The following KIRREL3 variants were observed in gnomAD, a reference collection of about 807,000 sequenced individuals.
KIRREL3 encodes kirre like nephrin family adhesion molecule 3.
KIRREL3 carries 36 observed loss-of-function variants against 89.7 expected under a neutral mutation model. The observed-to-expected ratio is 0.40, with a 90% confidence interval of 0.31 to 0.53. The LOEUF (loss-of-function observed/expected upper bound fraction) is 0.53, where lower values mean the gene tolerates loss of function less well. KIRREL3 is among the 20% of genes least tolerant of loss of function. The probability of loss-of-function intolerance (pLI) is 0.49; values close to 1 mark genes in which losing one functional copy is unlikely to be tolerated. For synonymous variants in KIRREL3, 445 were observed against 441.4 expected, an observed-to-expected ratio of 1.01 and a Z score of -0.10; for missense variants, 864 against 1,056.6, an observed-to-expected ratio of 0.82 and a Z score of 2.53.
chr11:126,874,529 C>T (rs978647101), intron 1 of KIRREL3, among the ~76,000 whole-genome samples: 1 of 152,238 alleles, frequency 6.6e-6, no homozygotes. Flanking sequence ...CATTATCTCA[C>T]TCATTTGCAT....
Position 126,521,493 on chromosome 11 carries a change from C to T in KIRREL3, c.284-29G>A. 6.4e-7 allele frequency: 1 copy of T among 1,564,002 alleles called. No individual in the cohort carries two copies. ...TGGAGACAACAGGCAGGTCAGGGAGCTGGGGTGGGGTGGAGGGGACACCCA... is the reference window on the plus strand; with the variant it reads ...TGGAGACAACAGGCAGGTCAGGGAGTTGGGGTGGGGTGGAGGGGACACCCA... On this transcript the variant is annotated intron_variant, in intron 3 of 16. Coordinates refer to ENST00000525144, the MANE Select transcript of KIRREL3 (RefSeq NM_032531.4). The surrounding 1 kb of genome is among the most constrained non-coding windows in gnomAD (Gnocchi z 4.1).
chr11:126,654,850 A>G (rs765641402), intron 1 of KIRREL3, among the ~76,000 whole-genome samples: 1 of 151,856 alleles, frequency 6.6e-6, no homozygotes, highest in Non-Finnish European at 1.5e-5. Flanking sequence ...TTGCTTCTTT[A>G]AAGGCTTTGC....
In KIRREL3 at chr11:126,641,535, A is replaced by G. The variant is rs958043203; in HGVS notation, c.56-78623T>C. ...AATTGCTATTACCACCTAGACTGTG[A>G]GCAAATAACATTCTGGCCAGTGGGA... On this transcript the variant is annotated intron_variant, in intron 1 of 16. Coordinates refer to ENST00000525144, the MANE Select transcript of KIRREL3 (RefSeq NM_032531.4). The surrounding 1 kb of genome is among the most constrained non-coding windows in gnomAD (Gnocchi z 5.0). Among the ~76,000 whole-genome samples, 1 of 152,116 alleles carries G rather than the reference A, an allele frequency of 6.6e-6. No homozygotes were observed. Among genetic ancestry groups the G allele is most frequent in the African/African-American group, 2.4e-5 (1 of 41,424 alleles).
chr11:126,451,339 TGC>T (rs1491193853), intron 7 of KIRREL3, among the ~76,000 whole-genome samples: 2 of 147,074 alleles, frequency 1.4e-5, no homozygotes, highest in Non-Finnish European at 3.0e-5. Flanking sequence ...AGTGAGTGTG[TGC>T]ATGTGTGTGC....
At chr11:126,585,952 A>G (rs1287773942) in intron 1 of KIRREL3, among the ~76,000 whole-genome samples, 1 of 152,236 alleles carries the variant, frequency 6.6e-6, no homozygotes, top group African/African-American at 2.4e-5. Flanking sequence ...TAAATATGAT[A>G]TCATAAGCCC....
Position 126,526,458 on chromosome 11 carries a change from G to T in KIRREL3, c.283+80C>A. The T allele has an allele frequency of 7.3e-7, 1 of 1,366,598 alleles. No individual in the cohort carries two copies. Among genetic ancestry groups the T allele is most frequent in the Non-Finnish European group, 1.0e-6 (1 of 989,882 alleles). The allele number at this position is 1,366,598 out of a possible 1,614,324, so 84.7% of individuals were successfully genotyped here. ...TCGATACTCAGACACCTGTGAAGAT[G>T]GGTGCTCCCTAGGAAGGTGGATGGG... On this transcript the variant is annotated intron_variant, in intron 3 of 16. Coordinates refer to ENST00000525144, the MANE Select transcript of KIRREL3 (RefSeq NM_032531.4). The surrounding 1 kb of genome is among the most constrained non-coding windows in gnomAD (Gnocchi z 5.7).
Position 126,463,073 on chromosome 11 carries a change from G to C in KIRREL3, c.742+84C>G, listed in dbSNP as rs764395603. The stretch of plus-strand genomic sequence containing the variant: ...CTGCCTGACCCATTTCCTGCTATCA[G>C]ATGGGCCAGGCTATGGTCAGGGTTG... On this transcript the variant is annotated intron_variant, in intron 6 of 16. Coordinates refer to ENST00000525144, the MANE Select transcript of KIRREL3 (RefSeq NM_032531.4). This position sits in a 1 kb window ranked among gnomAD's most constrained non-coding sequence, Gnocchi z 5.9. 1 of 1,367,824 alleles carries C rather than the reference G, an allele frequency of 7.3e-7. No individual in the cohort carries two copies. Among genetic ancestry groups the C allele is most frequent in the Non-Finnish European group, 1.0e-6 (1 of 982,364 alleles). The allele number at this position is 1,367,824 out of a possible 1,614,324, so 84.7% of individuals were successfully genotyped here.
chr11:126,534,110 G>T (rs1591693001), intron 2 of KIRREL3, among the ~76,000 whole-genome samples: 1 of 152,194 alleles, frequency 6.6e-6, no homozygotes, highest in Admixed American at 6.5e-5. Flanking sequence ...CCTCAGTGTA[G>T]CATCCATGGG....
At chr11:126,725,262 G>A (rs1221695189) in intron 1 of KIRREL3, among the ~76,000 whole-genome samples, 3 of 152,192 alleles carry the variant, frequency 2.0e-5, no homozygotes, top group Non-Finnish European at 4.4e-5. Context: ...AGATGCTAGT[G>A]AGCTCCAGAG....
intron 2 of KIRREL3, among the ~76,000 whole-genome samples, chr11:126,532,297 C>A (rs1267094150): frequency 2.0e-5 from 3 of 152,144 alleles, no homozygotes; most frequent in Non-Finnish European, 4.4e-5. Context: ...GGGTCTCAAG[C>A]CCAGATTTTG....
chr11:126,952,458 T>A (rs1053263638), intron 1 of KIRREL3, among the ~76,000 whole-genome samples: 1 of 152,210 alleles, frequency 6.6e-6, no homozygotes, highest in Non-Finnish European at 1.5e-5. Context: ...TTTGTTTAAG[T>A]TCTTTGTAGA....
chr11:126,760,963 C>T (rs949461129), intron 1 of KIRREL3, among the ~76,000 whole-genome samples: 1 of 152,176 alleles, frequency 6.6e-6, no homozygotes, highest in Non-Finnish European at 1.5e-5. Flanking sequence ...TTAGAGAAGG[C>T]TTTATTCTGT....
At chr11:126,874,206 C>A (rs754749109) in intron 1 of KIRREL3, among the ~76,000 whole-genome samples, 2 of 152,226 alleles carry the variant, frequency 1.3e-5, no homozygotes, top group Non-Finnish European at 2.9e-5. Flanking sequence ...GCTACCTGGT[C>A]TCAGGAACTC....
chr11:126,512,763 A>G (rs1466212839), intron 4 of KIRREL3, among the ~76,000 whole-genome samples: 5 of 152,174 alleles, frequency 3.3e-5, no homozygotes, highest in Non-Finnish European at 5.9e-5. Context: ...GCTGAAGGGT[A>G]TATTATCCTT....
rs1223577451 is a variant in KIRREL3 at position 126,432,268 on chromosome 11, C to T, written c.1589-742G>A. 6.6e-6 allele frequency among the ~76,000 whole-genome samples: 1 copy of T among 152,160 alleles called. No individual in the cohort carries two copies. On this transcript the variant is annotated intron_variant, in intron 13 of 16. Coordinates refer to ENST00000525144, the MANE Select transcript of KIRREL3 (RefSeq NM_032531.4). This position sits in a 1 kb window ranked among gnomAD's most constrained non-coding sequence, Gnocchi z 6.2. ...GGCCCACACACTGGGCAGGCAAGCC[C>T]TCACCCCTGCTGAGTCTCTGTGGCC...
intron 1 of KIRREL3, among the ~76,000 whole-genome samples, chr11:126,919,059 G>A (rs903422268): frequency 2.6e-5 from 4 of 151,138 alleles, no homozygotes; most frequent in South Asian, 4.2e-4. Flanking sequence ...ATAATATGAT[G>A]TATTGCTACA....
intron 10 of KIRREL3, chr11:126,440,767 T>TCAGAACCCC: frequency 1.7e-6 from 1 of 605,808 alleles, no homozygotes; most frequent in South Asian, 1.9e-5. Flanking sequence ...TGCTTCTAAG[T>TCAGAACCCC]CAGAACCCCC....
intron 1 of KIRREL3, among the ~76,000 whole-genome samples, chr11:126,923,178 C>CTT (rs1565423024): frequency 4.7e-5 from 1 of 21,388 alleles, no homozygotes; most frequent in Non-Finnish European, 8.6e-5. Flanking sequence ...TTCTTCTTCT[C>CTT]TTCTTCTTCT....
chr11:126,589,761 A>C (rs1238975020), intron 1 of KIRREL3, among the ~76,000 whole-genome samples: 1 of 152,166 alleles, frequency 6.6e-6, no homozygotes, highest in African/African-American at 2.4e-5. Flanking sequence ...CTACTAGTGC[A>C]CCAGTCACTG....
Sources: gnomAD v4.1 joint callset for allele counts (sites outside exome capture counted in the v4.1 genomes callset) on GRCh38, gnomAD v4.1.1 for gene constraint, Gnocchi (gnomAD v3.1) non-coding constraint, MANE v1.5 for transcripts, NCBI Gene and HGNC (gene_info 2026-07-23, HGNC 2026-07-21) for gene names.